POTEF: variants seen among roughly 807,000 people sequenced by gnomAD.
POTEF encodes the protein POTE ankyrin domain family member F, also known as ANKRD26-like family C member 1B.
Under a neutral mutation model 83.2 loss-of-function variants are expected in POTEF, and 20 were observed. The ratio of observed to expected loss-of-function variants is 0.24; its 90% confidence interval spans 0.17 to 0.35. POTEF has a LOEUF of 0.35. POTEF is among the 10% of genes least tolerant of loss of function. POTEF has a pLI of 1.00. For missense variants in POTEF, 550 were observed against 1,203.2 expected (o/e 0.46, Z 8.03); for synonymous variants, 196 against 446.4 (o/e 0.44, Z 7.07).
chr2:130,123,529 T>TG (rs1353601508), intron 2 of POTEF, among the ~76,000 whole-genome samples: 1 of 151,988 alleles, frequency 6.6e-6, no homozygotes, highest in Non-Finnish European at 1.5e-5. Flanking sequence ...GTAAATATGA[T>TG]GTAGTGTATA....
In POTEF at chr2:130,102,863, C is replaced by T. The variant is rs2336767; in HGVS notation, c.1127-683G>A. Among the ~76,000 whole-genome samples, 6 of 151,716 alleles carry T rather than the reference C, an allele frequency of 4.0e-5. No individual in the cohort carries two copies. In the South Asian group the frequency reaches 1.2e-3, roughly 31 times the overall value. On this transcript the variant is annotated intron_variant, in intron 8 of 16. Transcript: ENST00000409914. Reference sequence around the variant, plus strand: ...TAAGCTTGCCTACATAAGCCAAGCCCTGTCTTTGTTCAGGGCTCAGCTTTC... The same window carrying T: ...TAAGCTTGCCTACATAAGCCAAGCCTTGTCTTTGTTCAGGGCTCAGCTTTC...
At chr2:130,127,007 C>G (rs1210800634) in intron 2 of POTEF, among the ~76,000 whole-genome samples, 1 of 151,838 alleles carries the variant, frequency 6.6e-6, no homozygotes, top group East Asian at 1.9e-4. Context: ...TGAAAAAGTC[C>G]AAGACCATCA....
At chr2:130,076,154 A>C (rs1347223373) in intron 16 of POTEF, among the ~76,000 whole-genome samples, 1 of 88,744 alleles carries the variant, frequency 1.1e-5, no homozygotes, top group Non-Finnish European at 2.4e-5. Flanking sequence ...CTGTCAAATA[A>C]GCACTGTACC....
intron 8 of POTEF, among the ~76,000 whole-genome samples, chr2:130,104,128 G>A (rs974064476): frequency 2.7e-5 from 4 of 150,616 alleles, no homozygotes; most frequent in African/African-American, 1.0e-4. Flanking sequence ...GAGCTGAGAT[G>A]ATACTATGTA....
intron 9 of POTEF, 128 bp downstream of exon 9, chr2:130,101,982 A>G (rs1383467267): frequency 2.3e-6 from 1 of 429,972 alleles, no homozygotes; most frequent in African/African-American, 2.4e-5. Context: ...ATCTATTAAA[A>G]AATTCTTTAA....
In POTEF at chr2:130,102,599, G is replaced by A. The variant is rs527653099; in HGVS notation, c.1127-419C>T. ...ACAAGCAGGGCCCAGGAAAGGTCGT[G>A]GTGACCCTGCCTGAGAAGCCAGAGC... On this transcript the variant is annotated intron_variant, in intron 8 of 16. Coordinates refer to ENST00000409914, the MANE Select transcript of POTEF (RefSeq NM_001099771.2). Among the ~76,000 whole-genome samples, 22 of 149,370 alleles carry A rather than the reference G, an allele frequency of 1.5e-4. No homozygotes were observed. The South Asian group carries it at 4.3e-3, about 29-fold the overall frequency.
At chr2:130,122,283 C>T (rs1685017872) in intron 2 of POTEF, among the ~76,000 whole-genome samples, 1 of 150,650 alleles carries the variant, frequency 6.6e-6, no homozygotes, top group Non-Finnish European at 1.5e-5. Context: ...ATGTGTAAGG[C>T]ATTTGTTTTA....
intron 2 of POTEF, 35 bp from the exon 3 acceptor site, chr2:130,120,643 C>T: frequency 3.2e-6 from 5 of 1,549,270 alleles, no homozygotes; most frequent in African/African-American, 2.7e-5. Context: ...CAGCCAAAAC[C>T]TGCCAACCCC....
intron 8 of POTEF, among the ~76,000 whole-genome samples, chr2:130,103,994 T>C (rs1203532111): frequency 7.1e-6 from 1 of 141,330 alleles, no homozygotes; most frequent in East Asian, 2.1e-4. Context: ...GCCTGGACAT[T>C]AATGTTCAAG....
intron 8 of POTEF, among the ~76,000 whole-genome samples, chr2:130,103,664 A>G (rs1684434254): frequency 6.6e-6 from 1 of 150,964 alleles, no homozygotes; most frequent in African/African-American, 2.5e-5. Flanking sequence ...CATGTTAGGC[A>G]TTAGGGTTTA....
chr2:130,108,452 G>A (rs1684609102), intron 7 of POTEF, among the ~76,000 whole-genome samples: 1 of 151,996 alleles, frequency 6.6e-6, no homozygotes, highest in Admixed American at 6.5e-5. Flanking sequence ...GGACTTTGCT[G>A]CCTTATTTCA....
Position 130,120,755 on chromosome 2 carries a change from G to C in POTEF, c.-93-147C>G. The C allele has an allele frequency of 5.4e-6, 4 of 745,274 alleles. No individual in the cohort carries two copies. In the South Asian group the frequency reaches 7.8e-5, roughly 15 times the overall value. The allele number at this position is 745,274 out of a possible 1,614,324, so 46.2% of individuals were successfully genotyped here. A position where few individuals can be genotyped will look rare whatever the true frequency, so the allele number is the denominator to read the frequency against. ...GGCGACCCCACGCCCACCCCAGAAA[G>C]GGCCAACCCCCGCCCCCAAGAAAAC... On this transcript the variant is annotated intron_variant, in intron 2 of 16. Coordinates refer to ENST00000409914, the MANE Select transcript of POTEF (RefSeq NM_001099771.2).
At position 130,127,719 on chromosome 2, in the gene POTEF, G is replaced by A. The variant is rs999300360; in HGVS notation, c.-104C>T. On this transcript the variant is annotated 5_prime_UTR_variant, in exon 2 of 17. The change creates a premature stop within an existing upstream ORF in the 5' untranslated region. Coordinates refer to ENST00000409914, the MANE Select transcript of POTEF (RefSeq NM_001099771.2). ...CGGGCACCCTCCTACCACTCCTGTC[G>A]AGCTGCAGTCTCCGTGGCTGCCATC... The A allele has an allele frequency of 2.0e-5, 3 of 151,904 alleles. No homozygotes were observed. The highest frequency in any genetic ancestry group is 1.9e-4 in the East Asian group (1 of 5,130). 9.4% of individuals were successfully genotyped at this position (151,904 alleles called of 1,614,324 possible). A position where few individuals can be genotyped will look rare whatever the true frequency, so the allele number is the denominator to read the frequency against.
chr2:130,120,372 G>A lies in POTEF; in HGVS notation c.144C>T (p.Asp48=), dbSNP rs528127046. ...SGKSNVGTSG[D]HDDSAMKTLR... ...GTGTCTTCATAGCAGAGTCGTCGTGGTCTCCAGAAGTGCCCACGTTGCTCT... is the reference window on the plus strand; with the variant it reads ...GTGTCTTCATAGCAGAGTCGTCGTGATCTCCAGAAGTGCCCACGTTGCTCT... The change falls in exon 3 of 17, where the codon GAC becomes GAT. Residue 48 remains aspartate, a synonymous_variant. Transcript: ENST00000409914. 8.1e-6 allele frequency: 13 copies of A among 1,602,652 alleles called. No homozygotes were observed. The African/African-American group carries it at 1.2e-4, about 15-fold the overall frequency.
At chr2:130,122,074 T>C (rs1273918662) in intron 2 of POTEF, among the ~76,000 whole-genome samples, 3 of 150,946 alleles carry the variant, frequency 2.0e-5, no homozygotes, top group Non-Finnish European at 4.4e-5. Flanking sequence ...GGAATCATAA[T>C]AATATAGTTA....
chr2:130,123,898 T>A (rs1372360217), intron 2 of POTEF, among the ~76,000 whole-genome samples: 1 of 117,084 alleles, frequency 8.5e-6, no homozygotes, highest in East Asian at 2.3e-4. Context: ...GGATTTTAAA[T>A]GGAACCCAGA....
At chr2:130,108,148 G>C (rs1684595420) in intron 7 of POTEF, 69 bp from the exon 8 acceptor site, 2 of 1,502,462 alleles carry the variant, frequency 1.3e-6, no homozygotes, top group Non-Finnish European at 9.0e-7. Flanking sequence ...ACCAAATGTA[G>C]AATTATTAAG....
Position 130,115,293 on chromosome 2 carries a change from G to A in POTEF, c.557C>T (p.Ser186Leu). ...GTCCAGCAGGAGTTTTACTACTTCTGAATTCCCATTGGCAGAGGCCAGATG... is the reference window on the plus strand; with the variant it reads ...GTCCAGCAGGAGTTTTACTACTTCTAAATTCCCATTGGCAGAGGCCAGATG... ...ALHLASANGN[S>L]EVVKLLLDRR... Residue 186 changes from serine to leucine, a missense_variant, in exon 4 of 17, where the codon TCA becomes TTA. Coordinates refer to ENST00000409914, the MANE Select transcript of POTEF (RefSeq NM_001099771.2). The A allele has an allele frequency of 1.9e-6, 3 of 1,613,160 alleles. No homozygotes were observed. The highest frequency in any genetic ancestry group is 2.5e-6 in the Non-Finnish European group (3 of 1,179,910).
intron 7 of POTEF, 119 bp downstream of exon 7, chr2:130,110,424 G>A: frequency 1.3e-6 from 2 of 1,587,368 alleles, no homozygotes; most frequent in South Asian, 2.3e-5. Context: ...AAAACTCACT[G>A]CCACGCGAAA....
Sources: gnomAD v4.1 joint callset for allele counts (sites outside exome capture counted in the v4.1 genomes callset) on GRCh38, gnomAD v4.1.1 for gene constraint, MANE v1.5 for transcripts, NCBI Gene and HGNC (gene_info 2026-07-23, HGNC 2026-07-21) for gene names.